The following MEF2A variants were observed in gnomAD, a reference collection of about 807,000 sequenced individuals.
MEF2A encodes myocyte-specific enhancer factor 2A.
MEF2A carries 28 observed loss-of-function variants against 55.8 expected under a neutral mutation model. The ratio of observed to expected loss-of-function variants is 0.50; its 90% CI spans 0.37 to 0.69. MEF2A has a LOEUF of 0.69. MEF2A is among the 30% of genes least tolerant of loss of function. The probability of loss-of-function intolerance (pLI) is 0.00; values close to 1 mark genes in which losing one functional copy is unlikely to be tolerated. For synonymous variants in MEF2A, 239 were observed against 227.1 expected, an observed-to-expected ratio of 1.05 and a Z score of -0.47; for missense variants, 528 against 626.2, an observed-to-expected ratio of 0.84 and a Z score of 1.67.
At chr15:99,638,620 T>C (rs992908213) in intron 3 of MEF2A, among the ~76,000 whole-genome samples, 3 of 152,214 alleles carry the variant, frequency 2.0e-5, no homozygotes, top group Non-Finnish European at 2.9e-5. Context: ...GATAATATAG[T>C]TTCAATTCTA....
At chr15:99,612,948 T>G (rs1457359812) in intron 2 of MEF2A, among the ~76,000 whole-genome samples, 1 of 151,604 alleles carries the variant, frequency 6.6e-6, no homozygotes, top group African/African-American at 2.4e-5. Flanking sequence ...AAGAAAGCCA[T>G]GTAATTCAAG....
chr15:99,627,141 G>A (rs1277715964), intron 2 of MEF2A, among the ~76,000 whole-genome samples: 1 of 152,052 alleles, frequency 6.6e-6, no homozygotes, highest in Non-Finnish European at 1.5e-5. Flanking sequence ...AAGGAGGTGA[G>A]GGTGTGAATA....
intron 2 of MEF2A, among the ~76,000 whole-genome samples, chr15:99,602,262 T>G (rs182402943): frequency 1.1e-3 from 174 of 152,260 alleles, no homozygotes; most frequent in Middle Eastern, 3.4e-3. Flanking sequence ...TTGGCATACT[T>G]CTGGGGTCTT....
At chr15:99,642,808 G>C (rs2045270239) in intron 3 of MEF2A, among the ~76,000 whole-genome samples, 1 of 152,210 alleles carries the variant, frequency 6.6e-6, no homozygotes, top group Non-Finnish European at 1.5e-5. Flanking sequence ...GAAGAACTCA[G>C]TGTGAATTCT....
At chr15:99,619,319 A>G (rs568256414) in intron 2 of MEF2A, among the ~76,000 whole-genome samples, 3 of 152,272 alleles carry the variant, frequency 2.0e-5, no homozygotes, top group Admixed American at 6.5e-5. Context: ...TCACCCCCTC[A>G]TGAAGGCAGC....
At position 99,671,370 on chromosome 15, in the gene MEF2A, C is replaced by T. The variant is rs1135561; in HGVS notation, c.306C>T (p.Asp102=). 85 of 1,613,444 alleles carry T rather than the reference C, an allele frequency of 5.3e-5. No individual in the cohort carries two copies. In the Middle Eastern group the frequency reaches 8.3e-4, roughly 16 times the overall value. Residue 102 remains aspartate (D), a synonymous_variant, in exon 5 of 12, where the codon GAC becomes GAT. Transcript: ENST00000557942. The part of the protein sequence containing the change: ...GLNGCESPDA[D]DYFEHSPLSE... Reference sequence around the variant, plus strand: ...ATGGTTGTGAGAGCCCTGATGCTGACGATTACTTTGAGCACAGTCCACTCT... The same window carrying T: ...ATGGTTGTGAGAGCCCTGATGCTGATGATTACTTTGAGCACAGTCCACTCT...
At chr15:99,642,476 TTC>T (rs2045205407) in intron 3 of MEF2A, among the ~76,000 whole-genome samples, 1 of 152,160 alleles carries the variant, frequency 6.6e-6, no homozygotes, top group Non-Finnish European at 1.5e-5. Context: ...CATTTTAGTT[TTC>T]TGTTTTGATT....
At chr15:99,596,804 C>T (rs531838034) in intron 1 of MEF2A, among the ~76,000 whole-genome samples, 23 of 152,184 alleles carry the variant, frequency 1.5e-4, no homozygotes, top group African/African-American at 5.5e-4. Flanking sequence ...TGTTTGTGCA[C>T]CTAATCCATT....
In MEF2A at chr15:99,710,731, C is replaced by A. The variant is rs767723022; in HGVS notation, c.1107C>A (p.His369Gln). Residue 369 changes from histidine (H) to glutamine (Q), a missense_variant, in exon 11 of 12, where the codon CAC (histidine) becomes CAA (glutamine). Physicochemically the swap from His to Gln is conservative, Grantham distance 24 (BLOSUM62 0). Transcript: ENST00000557942. ...AGGTGTCGGCCTGGCAGCAGCACCA[C>A]CTAGGACAAGCAGCCCTCAGCTCTC... is the stretch of plus-strand genomic sequence containing the variant. ...LGQVSAWQQH[H>Q]LGQAALSSLV... 37 of 1,612,004 alleles carry A rather than the reference C, an allele frequency of 2.3e-5. No individual in the cohort carries two copies. The highest frequency in any genetic ancestry group is 3.1e-5 in the Non-Finnish European group (37 of 1,178,210).
chr15:99,593,567 A>G (rs1970098453), intron 1 of MEF2A, among the ~76,000 whole-genome samples: 1 of 152,174 alleles, frequency 6.6e-6, no homozygotes, highest in Non-Finnish European at 1.5e-5. Flanking sequence ...ATTACAAGTG[A>G]AATTCATAAT....
At chr15:99,700,007 G>A (rs34443706) in intron 8 of MEF2A, among the ~76,000 whole-genome samples, 44,007 of 137,566 alleles carry the variant, frequency 0.32, 8,216 homozygotes, top group African/African-American at 0.54. Context: ...TATAATTTTT[G>A]TATTTTTAGT....
chr15:99,637,501 C>G (rs1567287291), intron 3 of MEF2A, among the ~76,000 whole-genome samples: 1 of 152,166 alleles, frequency 6.6e-6, no homozygotes, highest in South Asian at 2.1e-4. Flanking sequence ...TTAAGAATTG[C>G]TAGATGACAT....
At chr15:99,687,939 A>G (rs1045062968) in intron 7 of MEF2A, among the ~76,000 whole-genome samples, 16 of 152,220 alleles carry the variant, frequency 1.1e-4, no homozygotes, top group Middle Eastern at 3.4e-3. Context: ...ATGATTTCCA[A>G]TTTTAGGCAG....
intron 4 of MEF2A, 89 bp downstream of exon 4, chr15:99,645,853 A>G (rs1211402706): frequency 7.5e-6 from 7 of 939,534 alleles, no homozygotes; most frequent in Non-Finnish European, 4.7e-6. Flanking sequence ...TTGTACATCT[A>G]AAACATAAAT....
chr15:99,640,393 A>T (rs1026828685), intron 3 of MEF2A, among the ~76,000 whole-genome samples: 3 of 152,138 alleles, frequency 2.0e-5, no homozygotes, highest in African/African-American at 7.2e-5. Context: ...TGCAATACAT[A>T]TTGACCATCT....
intron 8 of MEF2A, among the ~76,000 whole-genome samples, chr15:99,692,143 A>G (rs924425362): frequency 1.3e-5 from 2 of 152,212 alleles, no homozygotes; most frequent in Middle Eastern, 3.2e-3. Flanking sequence ...CCACTTTGGT[A>G]TAATGCTTTA....
intron 2 of MEF2A, among the ~76,000 whole-genome samples, chr15:99,603,042 T>C (rs780705133): frequency 3.7e-4 from 56 of 152,288 alleles, no homozygotes; most frequent in African/African-American, 1.3e-3. Flanking sequence ...TGTAGTGATA[T>C]TCCCTCTTTC....
chr15:99,694,056 T>A (rs1273082485), intron 8 of MEF2A, among the ~76,000 whole-genome samples: 2 of 152,222 alleles, frequency 1.3e-5, no homozygotes, highest in Non-Finnish European at 2.9e-5. Flanking sequence ...TTTTTAACCT[T>A]GTGTCTTTTT....
chr15:99,575,967 A>G (rs1046653637), intron 1 of MEF2A, among the ~76,000 whole-genome samples: 2 of 152,374 alleles, frequency 1.3e-5, no homozygotes, highest in Middle Eastern at 3.4e-3. Context: ...TTGTTTTAAC[A>G]TGCCCCCATC....
Sources: gnomAD v4.1 joint callset for allele counts (sites outside exome capture counted in the v4.1 genomes callset) on GRCh38, gnomAD v4.1.1 for gene constraint, MANE v1.5 for transcripts, NCBI Gene and HGNC (gene_info 2026-07-23, HGNC 2026-07-21) for gene names.